ARG1: variants seen among roughly 807,000 people sequenced by gnomAD.
The protein encoded by ARG1 is arginase-1.
ARG1 carries 20 observed loss-of-function variants against 33.0 expected under a neutral mutation model. That is an observed-to-expected ratio of 0.61 (90% CI 0.43 to 0.88). The LOEUF is 0.88. Ranked by LOEUF, ARG1 falls within the 40% of genes least tolerant of loss-of-function variation. The pLI is 0.00. For synonymous variants in ARG1, 146 were observed against 140.6 expected (o/e 1.04, Z -0.27); for missense variants, 374 against 384.7 (o/e 0.97, Z 0.23).
Position 131,579,116 on chromosome 6 carries a change from G to A in ARG1, c.136G>A (p.Asp46Asn), listed in dbSNP as rs1773782658. The change falls in exon 3 of 8, where the codon GAT becomes AAT. Residue 46 changes from aspartate to asparagine, a missense_variant. By Grantham distance (23) the Asp-to-Asn change is conservative. Transcript: ENST00000368087. ...LLEKLKEQEC[D>N]VKDYGDLPFA... Reference sequence around the variant, plus strand: ...TCAAAACTTTTTAATTTTAGAGTGTGATGTGAAGGATTATGGGGACCTGCC... The same window carrying A: ...TCAAAACTTTTTAATTTTAGAGTGTAATGTGAAGGATTATGGGGACCTGCC... 1.2e-6 allele frequency: 2 copies of A among 1,614,120 alleles called. No homozygotes were observed. The highest frequency in any genetic ancestry group is 8.5e-7 in the Non-Finnish European group (1 of 1,179,996).
chr6:131,579,829 C>CGTGTGTGTGTGTGTGT (rs367611464), intron 3 of ARG1, among the ~76,000 whole-genome samples: 1 of 149,426 alleles, frequency 6.7e-6, no homozygotes, highest in Non-Finnish European at 1.5e-5. Flanking sequence ...CTTTGTTTAA[C>CGTGTGTGTGTGTGTGT]GTGTGTGTGT....
chr6:131,581,223 G>A lies in ARG1; in HGVS notation c.310G>A (p.Ala104Thr). ...SLVLGGDHSL[A>T]IGSISGHARV... ...ACAAAATTTTTTCCCCAAAAGTTTG[G>A]CAATTGGAAGCATCTCTGGCCATGC... The change falls in exon 4 of 8, where the codon GCA (alanine) becomes ACA (threonine). Residue 104 changes from alanine (A) to threonine (T), a missense_variant. Coordinates refer to ENST00000368087, the MANE Select transcript of ARG1 (RefSeq NM_000045.4). 1 of 1,613,810 alleles carries A rather than the reference G, an allele frequency of 6.2e-7. No individual in the cohort carries two copies. Among genetic ancestry groups the A allele is most frequent in the Non-Finnish European group, 8.5e-7 (1 of 1,179,764 alleles).
intron 2 of ARG1, among the ~76,000 whole-genome samples, chr6:131,577,287 C>A (rs1445153452): frequency 2.0e-5 from 3 of 152,056 alleles, no homozygotes; most frequent in Admixed American, 6.5e-5. Flanking sequence ...GAAACTGGAA[C>A]CCTCATATAT....
intron 2 of ARG1, among the ~76,000 whole-genome samples, chr6:131,577,405 G>T (rs1039599031): frequency 6.6e-6 from 1 of 152,120 alleles, no homozygotes; most frequent in Non-Finnish European, 1.5e-5. Context: ...TGGGTGCAGA[G>T]AAGTACAACT....
chr6:131,576,591 G>T, intron 1 of ARG1, 72 bp from the exon 2 acceptor site: 1 of 1,413,264 alleles, frequency 7.1e-7, no homozygotes, highest in East Asian at 2.3e-5. Flanking sequence ...ATTAAATAAT[G>T]AAAAGGGTTC....
chr6:131,583,415 A>G lies in ARG1; in HGVS notation c.726A>G (p.Pro242=). ...ACGGACTGGACCCATCTTTCACACCAGCTACTGGCACACCAGTCGTGGGAG... is the reference window on the plus strand; with the variant it reads ...ACGGACTGGACCCATCTTTCACACCGGCTACTGGCACACCAGTCGTGGGAG... ...DVDGLDPSFT[P]ATGTPVVGGL... The change falls in exon 7 of 8, where the codon CCA becomes CCG. Residue 242 remains proline (P), a synonymous_variant. Coordinates refer to ENST00000368087, the MANE Select transcript of ARG1 (RefSeq NM_000045.4). 1 of 1,614,190 alleles carries G rather than the reference A, an allele frequency of 6.2e-7. No individual in the cohort carries two copies.
chr6:131,583,422 G>A lies in ARG1; in HGVS notation c.733G>A (p.Gly245Ser). 1 of 1,614,104 alleles carries A rather than the reference G, an allele frequency of 6.2e-7. No individual in the cohort carries two copies. The highest frequency in any genetic ancestry group is 8.5e-7 in the Non-Finnish European group (1 of 1,179,992). ...GLDPSFTPAT[G>S]TPVVGGLTYR... is the part of the protein sequence containing the mutation. Reference sequence around the variant, plus strand: ...GGACCCATCTTTCACACCAGCTACTGGCACACCAGTCGTGGGAGGTCTGAC... The same window carrying A: ...GGACCCATCTTTCACACCAGCTACTAGCACACCAGTCGTGGGAGGTCTGAC... Residue 245 changes from glycine (G) to serine (S), a missense_variant, in exon 7 of 8, where the codon GGC becomes AGC. Physicochemically the swap from Gly to Ser is moderately conservative, Grantham distance 56 (BLOSUM62 0). Transcript: ENST00000368087.
chr6:131,576,869 C>A, intron 2 of ARG1, 134 bp downstream of exon 2: 1 of 768,040 alleles, frequency 1.3e-6, no homozygotes, highest in Non-Finnish European at 2.3e-6. Context: ...CCGAGAAACA[C>A]ATCCTACAAA....
intron 3 of ARG1, among the ~76,000 whole-genome samples, chr6:131,579,857 TGAGA>T (rs142346886): frequency 8.8e-4 from 132 of 149,178 alleles, no homozygotes; most frequent in East Asian, 2.5e-3. Flanking sequence ...TGTGTGTGTG[TGAGA>T]GAGAGAGAGA....
chr6:131,582,583 G>T (rs940552121), intron 4 of ARG1, 38 bp from the exon 5 acceptor site: 1 of 1,508,550 alleles, frequency 6.6e-7, no homozygotes, highest in African/African-American at 1.4e-5. Context: ...TTGTTCAAGA[G>T]AATCATACAT....
chr6:131,582,595 A>G, intron 4 of ARG1, 26 bp from the exon 5 acceptor site: 4 of 1,576,032 alleles, frequency 2.5e-6, no homozygotes, highest in Non-Finnish European at 3.5e-6. Flanking sequence ...ATCATACATA[A>G]CCAAGTGAAA....
At chr6:131,575,999 A>G (rs975953590) in intron 1 of ARG1, among the ~76,000 whole-genome samples, 2 of 152,162 alleles carry the variant, frequency 1.3e-5, no homozygotes, top group African/African-American at 2.4e-5. Context: ...CTTTCATGTC[A>G]CACTCTTTCG....
intron 1 of ARG1, chr6:131,574,072 T>TC: frequency 1.6e-6 from 1 of 606,076 alleles, no homozygotes; most frequent in South Asian, 2.1e-5. Context: ...CACTTTTTTT[T>TC]CTGCCTGGGC....
chr6:131,582,746 C>T (rs552025085), intron 5 of ARG1, 31 bp downstream of exon 5: 7 of 1,597,448 alleles, frequency 4.4e-6, no homozygotes, highest in Admixed American at 1.7e-5. Flanking sequence ...GATTTGCCTC[C>T]ATTTTTGTCC....
At position 131,576,703 on chromosome 6, in the gene ARG1, A is replaced by G; in HGVS notation, c.98A>G (p.Lys33Arg). ...GVEEGPTVLR[K>R]AGLLEKLKEQ... is the part of the protein sequence containing the mutation. ...GAAGAAGGCCCTACAGTATTGAGAA[A>G]GGCTGGTCTGCTTGAGAAACTTAAA... The change falls in exon 2 of 8, where the codon AAG (lysine) becomes AGG (arginine). Residue 33 changes from lysine (K) to arginine (R), a missense_variant. Physicochemically the swap from Lys to Arg is conservative, Grantham distance 26. Transcript: ENST00000368087. The G allele has an allele frequency of 6.2e-7, 1 of 1,614,144 alleles. No individual in the cohort carries two copies. The highest frequency in any genetic ancestry group is 1.1e-5 in the South Asian group (1 of 91,088).
chr6:131,583,189 C>T (rs1441665778), intron 6 of ARG1, 25 bp downstream of exon 6: 2 of 1,602,846 alleles, frequency 1.2e-6, no homozygotes, highest in Non-Finnish European at 1.7e-6. Context: ...TGTGTGCACA[C>T]ATGTGTGTGC....
Position 131,581,295 on chromosome 6 carries a change from G to A in ARG1, c.382G>A (p.Asp128Asn), listed in dbSNP as rs1298811632. The change falls in exon 4 of 8, where the codon GAT becomes AAT. Residue 128 changes from aspartate (D) to asparagine (N), a missense_variant. By Grantham distance (23) the Asp-to-Asn change is conservative (BLOSUM62 1). Coordinates refer to ENST00000368087, the MANE Select transcript of ARG1 (RefSeq NM_000045.4). ...AGTCATCTGGGTGGATGCTCACACT[G>A]ATATCAACACTCCACTGACAACCAC... ...LGVIWVDAHT[D>N]INTPLTTTSG... is the part of the protein sequence containing the mutation. The A allele has an allele frequency of 1.2e-6, 2 of 1,613,892 alleles. No homozygotes were observed. The highest frequency in any genetic ancestry group is 1.7e-5 in the Admixed American group (1 of 60,002).
Position 131,583,487 on chromosome 6 carries a change from A to G in ARG1, c.798A>G (p.Lys266=). 1 of 1,614,106 alleles carries G rather than the reference A, an allele frequency of 6.2e-7. No homozygotes were observed. The highest frequency in any genetic ancestry group is 1.1e-5 in the South Asian group (1 of 91,080). The change falls in exon 7 of 8, where the codon AAA becomes AAG. Residue 266 remains lysine (K), a synonymous_variant. Coordinates refer to ENST00000368087, the MANE Select transcript of ARG1 (RefSeq NM_000045.4). ...EGLYITEEIY[K]TGLLSGLDIM... ...TCTACATCACAGAAGAAATCTACAA[A>G]ACAGGTAGTTAACAATCTGAGGTAA...
Position 131,583,392 on chromosome 6 carries a change from G to A in ARG1, c.703G>A (p.Gly235Arg), listed in dbSNP as rs104893948. 5.6e-6 allele frequency: 9 copies of A among 1,613,968 alleles called. No individual in the cohort carries two copies. In the Admixed American group the frequency reaches 6.7e-5, roughly 12 times the overall value. Residue 235 changes from glycine to arginine, a missense_variant, in exon 7 of 8, where the codon GGA (glycine) becomes AGA (arginine). Transcript: ENST00000368087. ...AATTCATCTAAGTTTTGATGTTGAC[G>A]GACTGGACCCATCTTTCACACCAGC... ...RPIHLSFDVDGLDPSFTPATG... is the reference protein window; with the variant it reads ...RPIHLSFDVDRLDPSFTPATG...
Sources: allele counts gnomAD v4.1 joint callset (sites outside exome capture counted in the v4.1 genomes callset), GRCh38; gene constraint gnomAD v4.1.1; transcripts MANE v1.5; gene names NCBI Gene and HGNC (gene_info 2026-07-23, HGNC 2026-07-21).